RBMS3: variants seen among roughly 807,000 people sequenced by gnomAD.
The protein encoded by RBMS3 is RNA-binding motif, single-stranded-interacting protein 3.
In RBMS3, 27 loss-of-function variants were observed where a neutral mutation model predicts 66.8. The ratio of observed to expected loss-of-function variants is 0.40; its 90% CI spans 0.30 to 0.56. RBMS3 has a LOEUF of 0.56. RBMS3 is among the 20% of genes least tolerant of loss of function. The pLI is 0.40. For synonymous variants in RBMS3, 188 were observed against 183.0 expected (o/e 1.03, Z -0.22); for missense variants, 513 against 549.5 (o/e 0.93, Z 0.66).
chr3:29,290,346 T>C (rs1351540695), intron 1 of RBMS3, among the ~76,000 whole-genome samples: 1 of 151,894 alleles, frequency 6.6e-6, no homozygotes, highest in Admixed American at 6.6e-5. Flanking sequence ...TCCATCTTTA[T>C]GTAAAATTTC....
intron 2 of RBMS3, among the ~76,000 whole-genome samples, chr3:29,467,952 A>G (rs1438818251): frequency 6.6e-6 from 1 of 152,188 alleles, no homozygotes. Context: ...ATAAGTGAGA[A>G]TCTATTAAGA....
chr3:29,587,251 TGTGTG>T, intron 4 of RBMS3, 46 bp downstream of exon 4: 2 of 305,818 alleles, frequency 6.5e-6, no homozygotes, highest in Admixed American at 7.2e-5. Flanking sequence ...TTTTTTTTTG[TGTGTG>T]TGTGTGTGTG....
chr3:29,491,964 G>A (rs983251504), intron 3 of RBMS3, among the ~76,000 whole-genome samples: 1 of 151,480 alleles, frequency 6.6e-6, no homozygotes, highest in South Asian at 2.1e-4. Context: ...CTGCACTCCA[G>A]CCTGGGTGAC....
intron 5 of RBMS3, among the ~76,000 whole-genome samples, chr3:29,744,907 T>A (rs1455453849): frequency 1.3e-5 from 2 of 152,200 alleles, no homozygotes; most frequent in African/African-American, 4.8e-5. Context: ...CCTGAATAAT[T>A]TTTTCAGTGG....
chr3:29,725,959 A>G (rs911922424), intron 4 of RBMS3, among the ~76,000 whole-genome samples: 3 of 152,178 alleles, frequency 2.0e-5, no homozygotes, highest in South Asian at 2.1e-4. Flanking sequence ...AAAATCCTCA[A>G]TAAAATACTT....
chr3:29,730,903 T>C lies in RBMS3; in HGVS notation c.400-8817T>C, dbSNP rs1458482331. 4 of 985,302 alleles carry C rather than the reference T, an allele frequency of 4.1e-6. No individual in the cohort carries two copies. The African/African-American group carries it at 7.0e-5, about 17-fold the overall frequency. The allele number at this position is 985,302 out of a possible 1,614,324, so 61.0% of individuals were successfully genotyped here. A position where few individuals can be genotyped will look rare whatever the true frequency, so the allele number is the denominator to read the frequency against. ...TTTTCTCACAGGAGAAACCATCACA[T>C]CAGGGCTGATAACTGGTGATACTGA... On this transcript the variant is annotated intron_variant, in intron 4 of 14. Coordinates refer to ENST00000383767, the MANE Select transcript of RBMS3 (RefSeq NM_001003793.3).
At chr3:29,798,909 G>A (rs997932259) in intron 6 of RBMS3, among the ~76,000 whole-genome samples, 2 of 140,420 alleles carry the variant, frequency 1.4e-5, no homozygotes, top group African/African-American at 2.6e-5. Context: ...AACATCAATT[G>A]TAATGATTTG....
chr3:29,927,037 T>A (rs565636908), intron 10 of RBMS3: 24 of 152,306 alleles, frequency 1.6e-4, no homozygotes, highest in African/African-American at 5.3e-4. Context: ...TGAGCATAAA[T>A]AATTCTTCCA....
chr3:29,819,851 C>T (rs907645055), intron 6 of RBMS3, among the ~76,000 whole-genome samples: 1 of 152,078 alleles, frequency 6.6e-6, no homozygotes, highest in Admixed American at 6.5e-5. Flanking sequence ...TGAATATAGA[C>T]TGAATTAAAG....
At chr3:29,350,052 C>T (rs748610034) in intron 1 of RBMS3, among the ~76,000 whole-genome samples, 52 of 151,566 alleles carry the variant, frequency 3.4e-4, no homozygotes, top group African/African-American at 5.1e-4. Flanking sequence ...CCCAGCTACT[C>T]GGGCGGCTGA....
chr3:29,440,521 C>T (rs1280035292), intron 2 of RBMS3, among the ~76,000 whole-genome samples: 3 of 152,208 alleles, frequency 2.0e-5, no homozygotes, highest in African/African-American at 7.2e-5. Context: ...CCTGCCCCCA[C>T]ACTTTTCTCC....
At chr3:29,341,607 C>G (rs2036287653) in intron 1 of RBMS3, among the ~76,000 whole-genome samples, 1 of 152,076 alleles carries the variant, frequency 6.6e-6, no homozygotes, top group Admixed American at 6.6e-5. Flanking sequence ...GCTCATTTCT[C>G]TGGGAGCCCA....
intron 4 of RBMS3, among the ~76,000 whole-genome samples, chr3:29,609,280 A>G (rs1184612567): frequency 6.6e-6 from 1 of 151,984 alleles, no homozygotes; most frequent in Non-Finnish European, 1.5e-5. Context: ...GTTGATCCAT[A>G]TGTAGAGGTG....
chr3:29,717,287 T>C (rs180923195), intron 4 of RBMS3, among the ~76,000 whole-genome samples: 10 of 152,254 alleles, frequency 6.6e-5, no homozygotes, highest in African/African-American at 2.4e-4. Flanking sequence ...TTTCTCATTA[T>C]TCACACTGTT....
intron 6 of RBMS3, among the ~76,000 whole-genome samples, chr3:29,816,301 G>GACACACAC (rs1272764498): frequency 1.5e-5 from 2 of 135,848 alleles, no homozygotes; most frequent in Non-Finnish European, 1.6e-5. Context: ...GACACACACA[G>GACACACAC]ACACACACAG....
intron 6 of RBMS3, among the ~76,000 whole-genome samples, chr3:29,794,266 T>A (rs548086540): frequency 2.6e-5 from 4 of 152,168 alleles, no homozygotes; most frequent in Non-Finnish European, 5.9e-5. Flanking sequence ...AATTGTTCCT[T>A]AGCTCTCTCC....
At chr3:29,832,182 G>C (rs2058386828) in intron 6 of RBMS3, among the ~76,000 whole-genome samples, 6 of 152,166 alleles carry the variant, frequency 3.9e-5, no homozygotes, top group Admixed American at 3.9e-4. Context: ...TCTTAAAAAT[G>C]CAATCAGTAC....
chr3:29,645,588 A>G (rs952159437), intron 4 of RBMS3, among the ~76,000 whole-genome samples: 12 of 152,122 alleles, frequency 7.9e-5, no homozygotes, highest in Non-Finnish European at 1.2e-4. Context: ...TTTATAAGGG[A>G]TCTTCCATTT....
intron 4 of RBMS3, among the ~76,000 whole-genome samples, chr3:29,695,010 C>G (rs187809041): frequency 3.3e-5 from 5 of 152,270 alleles, no homozygotes; most frequent in Admixed American, 3.3e-4. Flanking sequence ...TGGTGAGAGT[C>G]TCTCATTGCC....
Sources: gnomAD v4.1 joint callset for allele counts (sites outside exome capture counted in the v4.1 genomes callset) on GRCh38, gnomAD v4.1.1 for gene constraint, MANE v1.5 for transcripts, NCBI Gene and HGNC (gene_info 2026-07-23, HGNC 2026-07-21) for gene names.